Variants in SCTR observed in about 807,000 individuals in gnomAD.
SCTR encodes secretin receptor.
In SCTR, 56 loss-of-function variants were observed where a neutral mutation model predicts 60.8. That is an observed-to-expected ratio of 0.92 (90% CI 0.74 to 1.15). The LOEUF (loss-of-function observed/expected upper bound fraction) is 1.15. Ranked by LOEUF, SCTR falls within the 50% of genes most tolerant of loss-of-function variation. The pLI, the probability that SCTR is intolerant of heterozygous loss-of-function variation, is 0.00. For missense variants in SCTR, 562 were observed against 550.4 expected (o/e 1.02, Z -0.21); for synonymous variants, 202 against 217.0 (o/e 0.93, Z 0.61).
intron 2 of SCTR, among the ~76,000 whole-genome samples, chr2:119,490,090 C>T (rs756917421): frequency 6.6e-6 from 1 of 152,182 alleles, no homozygotes; most frequent in Non-Finnish European, 1.5e-5. Context: ...CTGTCCCAGA[C>T]GCAGTTTCCG....
chr2:119,470,350 T>G lies in SCTR; in HGVS notation c.405+3103A>C, dbSNP rs527767868. On this transcript the variant is annotated intron_variant, in intron 4 of 12. Coordinates refer to ENST00000019103, the MANE Select transcript of SCTR (RefSeq NM_002980.3). ...AGTTGATAAAAAGACATTTTAATAA[T>G]AAGAAATAGGATGGTTTAAATCTCA... 1.5e-3 allele frequency among the ~76,000 whole-genome samples: 228 copies of G among 152,310 alleles called. 1 individual carries two copies. The highest frequency in any genetic ancestry group is 5.4e-3 in the African/African-American group (225 of 41,578).
chr2:119,466,764 T>TATAC (rs3052360), intron 4 of SCTR, among the ~76,000 whole-genome samples: 8,821 of 151,168 alleles, frequency 0.058, 532 homozygotes, highest in African/African-American at 0.15. Flanking sequence ...TAAATAAATA[T>TATAC]ATACATACAT....
chr2:119,446,368 A>C (rs571630302), intron 11 of SCTR, among the ~76,000 whole-genome samples: 2 of 152,188 alleles, frequency 1.3e-5, no homozygotes, highest in Non-Finnish European at 2.9e-5. Flanking sequence ...AGATGAGGAC[A>C]GTGTTCTCTT....
chr2:119,508,033 T>G (rs1678806486), intron 1 of SCTR, among the ~76,000 whole-genome samples: 1 of 152,188 alleles, frequency 6.6e-6, no homozygotes, highest in South Asian at 2.1e-4. Flanking sequence ...TAATCAAAAC[T>G]TAACTAGGCA....
intron 1 of SCTR, among the ~76,000 whole-genome samples, chr2:119,501,876 A>G (rs1678565141): frequency 6.6e-6 from 1 of 152,252 alleles, no homozygotes; most frequent in African/African-American, 2.4e-5. Flanking sequence ...TAAAAAGTAT[A>G]TTCAGGAAGG....
intron 6 of SCTR, 48 bp downstream of exon 6, chr2:119,464,075 G>T (rs1402349903): frequency 6.2e-7 from 1 of 1,607,042 alleles, no homozygotes; most frequent in African/African-American, 1.3e-5. Context: ...GCTAGGCTGG[G>T]GAAGGCAGGC....
At chr2:119,493,917 A>G (rs1678243547) in intron 2 of SCTR, among the ~76,000 whole-genome samples, 1 of 152,218 alleles carries the variant, frequency 6.6e-6, no homozygotes, top group African/African-American at 2.4e-5. Flanking sequence ...CTGGGATTAC[A>G]GGCATGAGCC....
intron 10 of SCTR, 56 bp downstream of exon 10, chr2:119,448,633 G>T: frequency 1.1e-6 from 1 of 950,534 alleles, no homozygotes; most frequent in Non-Finnish European, 1.7e-6. Flanking sequence ...GTAAACAGTA[G>T]GTGCTCAGTA....
rs189399003 is a variant in SCTR, at chr2:119,485,607, C to T, written c.194-6689G>A. Among the ~76,000 whole-genome samples the T allele has an allele frequency of 2.4e-3, 371 of 152,328 alleles. 3 individuals are homozygous for T. The highest frequency in any genetic ancestry group is 8.4e-3 in the African/African-American group (349 of 41,586). On this transcript the variant is annotated intron_variant, in intron 2 of 12. Coordinates refer to ENST00000019103, the MANE Select transcript of SCTR (RefSeq NM_002980.3). ...AGGGGGCCAGGAACAGCCCGGCCCC[C>T]GGGGCCATGCTGAACTGGGCCACTC...
chr2:119,478,672 C>A, intron 3 of SCTR, 139 bp downstream of exon 3: 3 of 736,602 alleles, frequency 4.1e-6, no homozygotes, highest in Non-Finnish European at 6.7e-6. Flanking sequence ...GCTTCTAATC[C>A]TTTGCAGTGA....
chr2:119,500,158 C>A (rs1678491068), intron 1 of SCTR, among the ~76,000 whole-genome samples: 1 of 150,482 alleles, frequency 6.6e-6, no homozygotes, highest in Non-Finnish European at 1.5e-5. Flanking sequence ...CAGTATTTCA[C>A]CCCAGTTAGG....
intron 1 of SCTR, among the ~76,000 whole-genome samples, chr2:119,499,198 CCAAA>C (rs1172862682): frequency 6.6e-6 from 1 of 151,864 alleles, no homozygotes; most frequent in Non-Finnish European, 1.5e-5. Context: ...TGTGTATGCA[CCAAA>C]CAATCATGCT....
intron 2 of SCTR, among the ~76,000 whole-genome samples, chr2:119,488,967 A>T (rs1208185225): frequency 6.6e-6 from 1 of 152,168 alleles, no homozygotes; most frequent in Non-Finnish European, 1.5e-5. Flanking sequence ...CGTCAGATCC[A>T]GCAGTGAGTG....
chr2:119,467,770 A>G (rs1683899384), intron 4 of SCTR, among the ~76,000 whole-genome samples: 2 of 152,234 alleles, frequency 1.3e-5, no homozygotes, highest in South Asian at 4.1e-4. Context: ...CTTTCATGGT[A>G]TACCGCTAAT....
chr2:119,445,607 T>C (rs1452950074), intron 11 of SCTR, among the ~76,000 whole-genome samples: 3 of 152,100 alleles, frequency 2.0e-5, no homozygotes, highest in South Asian at 2.1e-4. Flanking sequence ...GCCACCCCAG[T>C]GAAAGCTTGG....
intron 3 of SCTR, among the ~76,000 whole-genome samples, chr2:119,477,507 G>T (rs1677384316): frequency 6.6e-6 from 1 of 152,160 alleles, no homozygotes; most frequent in Admixed American, 6.5e-5. Flanking sequence ...CTGGGGTGCA[G>T]TGGCACGAGC....
chr2:119,443,186 T>C (rs1339353874), intron 11 of SCTR, among the ~76,000 whole-genome samples: 1 of 152,192 alleles, frequency 6.6e-6, no homozygotes, highest in East Asian at 1.9e-4. Flanking sequence ...CCAGTGTATA[T>C]AGGGCAGGCC....
intron 2 of SCTR, among the ~76,000 whole-genome samples, chr2:119,489,757 G>A (rs1678042713): frequency 6.6e-6 from 1 of 152,198 alleles, no homozygotes. Context: ...GAAATTGCAA[G>A]CAATTTGGTT....
At chr2:119,440,761 C>G (rs1302597912) in intron 12 of SCTR, among the ~76,000 whole-genome samples, 1 of 152,144 alleles carries the variant, frequency 6.6e-6, no homozygotes, top group Non-Finnish European at 1.5e-5. Flanking sequence ...AGATGGGTCC[C>G]CACTTATTCC....
Sources: gnomAD v4.1 joint callset for allele counts (sites outside exome capture counted in the v4.1 genomes callset) on GRCh38, gnomAD v4.1.1 for gene constraint, MANE v1.5 for transcripts, NCBI Gene and HGNC (gene_info 2026-07-23, HGNC 2026-07-21) for gene names.